The following HDX variants were observed in gnomAD, a reference collection of about 807,000 sequenced individuals.
HDX encodes highly divergent homeobox.
Under a neutral mutation model 45.2 loss-of-function variants are expected in HDX, and 19 were observed. The ratio of observed to expected loss-of-function variants is 0.42; its 90% CI spans 0.29 to 0.62. The LOEUF (loss-of-function observed/expected upper bound fraction) is 0.62. HDX is among the 20% of genes least tolerant of loss of function. HDX has a pLI of 0.20. For synonymous variants in HDX, 188 were observed against 172.8 expected (o/e 1.09, Z -0.69); for missense variants, 532 against 493.9 (o/e 1.08, Z -0.73).
intron 6 of HDX, among the ~76,000 whole-genome samples, chrX:84,351,016 T>TATC (rs1377818542): frequency 2.4e-5 from 2 of 83,436 alleles, no homozygotes; most frequent in Admixed American, 2.6e-4. Flanking sequence ...CCAGGCTATC[T>TATC]ATCTATCTAT....
intron 2 of HDX, among the ~76,000 whole-genome samples, chrX:84,487,033 T>C (rs971145950): frequency 2.7e-5 from 3 of 111,906 alleles, no homozygotes; most frequent in Admixed American, 9.5e-5. Context: ...CATATTTTTT[T>C]CCTCTCTGGT....
At chrX:84,413,518 T>G (rs897069185) in intron 5 of HDX, among the ~76,000 whole-genome samples, 40 of 111,510 alleles carry the variant, frequency 3.6e-4, no homozygotes, top group African/African-American at 1.2e-3. Flanking sequence ...ATCTGCCGTG[T>G]AGGAGCCAAT....
chrX:84,497,564 C>T (rs1329937586), intron 1 of HDX, among the ~76,000 whole-genome samples: 1 of 110,563 alleles, frequency 9.0e-6, no homozygotes, highest in African/African-American at 3.3e-5. Context: ...AGCCCTTTCC[C>T]CTTAACTTCA....
At chrX:84,338,066 C>A (rs2037004947) in intron 7 of HDX, among the ~76,000 whole-genome samples, 1 of 111,126 alleles carries the variant, frequency 9.0e-6, no homozygotes, top group Non-Finnish European at 1.9e-5. Flanking sequence ...TTTTACTTCA[C>A]CTTAGGAAGC....
At chrX:84,366,807 T>C (rs2037766116) in intron 5 of HDX, among the ~76,000 whole-genome samples, 1 of 111,820 alleles carries the variant, frequency 8.9e-6, no homozygotes, top group African/African-American at 3.3e-5. Flanking sequence ...TGCAGAAAAC[T>C]GAAACTGGAT....
intron 4 of HDX, among the ~76,000 whole-genome samples, chrX:84,466,920 A>G (rs58533817): frequency 0.089 from 9,874 of 111,193 alleles, 472 homozygotes; most frequent in South Asian, 0.28. Flanking sequence ...AAGTGACCAA[A>G]GGTCCCAGCA....
intron 5 of HDX, among the ~76,000 whole-genome samples, chrX:84,365,793 T>C (rs1420996210): frequency 9.0e-6 from 1 of 111,464 alleles, no homozygotes; most frequent in Non-Finnish European, 1.9e-5. Flanking sequence ...AAAGAGTACG[T>C]GCGTTTAAAT....
intron 4 of HDX, among the ~76,000 whole-genome samples, chrX:84,467,339 A>G (rs1375494871): frequency 9.0e-6 from 1 of 111,504 alleles, no homozygotes; most frequent in Non-Finnish European, 1.9e-5. Flanking sequence ...AAGGATAGAA[A>G]GTGCTAGGCT....
chrX:84,380,634 T>C (rs992672678), intron 5 of HDX, among the ~76,000 whole-genome samples: 1 of 111,527 alleles, frequency 9.0e-6, no homozygotes, highest in African/African-American at 3.2e-5. Flanking sequence ...TTTATGATTA[T>C]GCCAATTAAT....
At chrX:84,339,534 A>T (rs779199374) in intron 7 of HDX, among the ~76,000 whole-genome samples, 2 of 112,010 alleles carry the variant, frequency 1.8e-5, no homozygotes, top group South Asian at 7.3e-4. Context: ...TCTAAAATAA[A>T]AGGATGTGAA....
chrX:84,422,369 A>G (rs868405764), intron 5 of HDX, among the ~76,000 whole-genome samples: 5 of 111,628 alleles, frequency 4.5e-5, no homozygotes, highest in Middle Eastern at 4.2e-3. Context: ...GGGATACAGG[A>G]AAAGCAGTAT....
At chrX:84,409,796 A>T (rs1487234514) in intron 5 of HDX, among the ~76,000 whole-genome samples, 4 of 107,068 alleles carry the variant, frequency 3.7e-5, no homozygotes, top group Non-Finnish European at 5.8e-5. Flanking sequence ...TGGGTGCAGC[A>T]CACCAACATG....
At chrX:84,420,864 A>T (rs1024722295) in intron 5 of HDX, among the ~76,000 whole-genome samples, 1 of 111,946 alleles carries the variant, frequency 8.9e-6, no homozygotes, top group African/African-American at 3.2e-5. Flanking sequence ...GAAGGAAAAA[A>T]CAAAAACAAA....
intron 5 of HDX, among the ~76,000 whole-genome samples, chrX:84,415,668 C>T (rs1295394816): frequency 8.9e-6 from 1 of 112,140 alleles, no homozygotes; most frequent in Non-Finnish European, 1.9e-5. Context: ...CCTTTTAAAT[C>T]TTCTAAAACC....
chrX:84,490,746 G>T (rs2148195518), intron 1 of HDX, among the ~76,000 whole-genome samples: 1 of 109,766 alleles, frequency 9.1e-6, no homozygotes, highest in Admixed American at 9.7e-5. Flanking sequence ...TTAAGTTTTA[G>T]GGTACATGTG....
At chrX:84,409,439 C>A (rs778266665) in intron 5 of HDX, among the ~76,000 whole-genome samples, 1 of 110,492 alleles carries the variant, frequency 9.1e-6, no homozygotes, top group African/African-American at 3.3e-5. Context: ...TTAATTGCGG[C>A]ACTATTCACA....
intron 2 of HDX, among the ~76,000 whole-genome samples, chrX:84,479,656 C>T (rs926994788): frequency 9.0e-6 from 1 of 111,655 alleles, no homozygotes; most frequent in Admixed American, 9.5e-5. Context: ...TGTACAAATT[C>T]GCATTCTCGA....
chrX:84,321,216 G>A lies in HDX; in HGVS notation c.*673C>T, dbSNP rs750496984. The stretch of plus-strand genomic sequence containing the variant: ...ACAACATTTTGTTTCTGTACACTTC[G>A]TAATTTATTTGACGTTATGTTGGTT... On this transcript the variant is annotated 3_prime_UTR_variant, in exon 11 of 11. Transcript: ENST00000373177. 2.7e-5 allele frequency: 3 copies of A among 110,354 alleles called. No homozygotes were observed. Among genetic ancestry groups the A allele is most frequent in the South Asian group, 7.5e-4 (2 of 2,652 alleles). The allele number at this position is 110,354 out of a possible 1,213,427, so 9.1% of individuals were successfully genotyped here. A position where few individuals can be genotyped will look rare whatever the true frequency, so the allele number is the denominator to read the frequency against.
chrX:84,437,678 C>CCAA (rs2039668703), intron 5 of HDX, among the ~76,000 whole-genome samples: 1 of 110,659 alleles, frequency 9.0e-6, no homozygotes, highest in Non-Finnish European at 1.9e-5. Context: ...TTGGTGTTGC[C>CCAA]CAACAAACTA....
Sources: allele counts gnomAD v4.1 joint callset (sites outside exome capture counted in the v4.1 genomes callset), GRCh38; gene constraint gnomAD v4.1.1; transcripts MANE v1.5; gene names NCBI Gene and HGNC (gene_info 2026-07-23, HGNC 2026-07-21).